DLEC1: variants seen among roughly 807,000 people sequenced by gnomAD.
DLEC1 encodes the protein deleted in lung and esophageal cancer protein 1.
Under a neutral mutation model 198.1 loss-of-function variants are expected in DLEC1, and 146 were observed. The ratio of observed to expected loss-of-function variants is 0.74; its 90% confidence interval spans 0.64 to 0.85. The LOEUF is 0.85. Among genes scored for constraint, DLEC1 ranks in the 40% least tolerant of loss-of-function variants. The pLI is 0.00. For synonymous variants in DLEC1, 897 were observed against 866.8 expected, an observed-to-expected ratio of 1.03 and a Z score of -0.61; for missense variants, 2,233 against 2,220.0, an observed-to-expected ratio of 1.01 and a Z score of -0.12.
chr3:38,117,537 G>A lies in DLEC1; in HGVS notation c.4411G>A (p.Glu1471Lys). ...CCTATTGCTGGGCAGGCTAAGTGTG[G>A]AGCTGGACTACGGCGGCAGTATGGA... ...SYVRPAQLSV[E>K]LDYGGSMEFQ... The change falls in exon 32 of 37, where the codon GAG (glutamate) becomes AAG (lysine). Residue 1471 changes from glutamate (E) to lysine (K), a missense_variant. Transcript: ENST00000308059. The A allele has an allele frequency of 6.2e-7, 1 of 1,614,196 alleles. No individual in the cohort carries two copies. The highest frequency in any genetic ancestry group is 8.5e-7 in the Non-Finnish European group (1 of 1,180,010).
intron 2 of DLEC1, chr3:38,052,279 A>C: frequency 2.1e-6 from 1 of 471,732 alleles, no homozygotes; most frequent in East Asian, 5.4e-5. Flanking sequence ...GTGGGACCTC[A>C]ACATAGAGAG....
At chr3:38,055,576 C>T (rs1043316145) in intron 2 of DLEC1, among the ~76,000 whole-genome samples, 2 of 152,040 alleles carry the variant, frequency 1.3e-5, no homozygotes, top group African/African-American at 4.8e-5. Flanking sequence ...GAATTTATCA[C>T]AACAGGAAAC....
chr3:38,067,903 C>T (rs1178853736), intron 6 of DLEC1, among the ~76,000 whole-genome samples: 3 of 152,034 alleles, frequency 2.0e-5, no homozygotes, highest in African/African-American at 4.8e-5. Flanking sequence ...CAGGTACGCA[C>T]CACCACGCCT....
chr3:38,100,523 A>T, intron 19 of DLEC1, 98 bp downstream of exon 19: 1 of 1,367,532 alleles, frequency 7.3e-7, no homozygotes, highest in Non-Finnish European at 9.5e-7. Flanking sequence ...CTGGATTTAA[A>T]ACTATTGAAT....
chr3:38,097,993 G>C (rs1046683191), intron 18 of DLEC1, 91 bp downstream of exon 18: 3 of 1,513,840 alleles, frequency 2.0e-6, no homozygotes, highest in East Asian at 2.3e-5. Flanking sequence ...GTTTAGATCA[G>C]AGCTTCGAGG....
At chr3:38,082,565 G>T (rs1339245015) in intron 6 of DLEC1, among the ~76,000 whole-genome samples, 7 of 152,176 alleles carry the variant, frequency 4.6e-5, no homozygotes, top group Non-Finnish European at 8.8e-5. Context: ...GAGATAAGAG[G>T]TTGGGGTGTG....
At chr3:38,049,436 G>A (rs927793950) in intron 2 of DLEC1, among the ~76,000 whole-genome samples, 15 of 152,350 alleles carry the variant, frequency 9.8e-5, no homozygotes, top group Non-Finnish European at 2.1e-4. Flanking sequence ...ATGTGACAAA[G>A]TGGCAAGCAC....
At position 38,088,405 on chromosome 3, in the gene DLEC1, T is replaced by G; in HGVS notation, c.1665+17T>G. 6.2e-7 allele frequency: 1 copy of G among 1,603,788 alleles called. No individual in the cohort carries two copies. Among genetic ancestry groups the G allele is most frequent in the Non-Finnish European group, 8.5e-7 (1 of 1,171,156 alleles). On this transcript the variant is annotated intron_variant, in intron 10 of 36. Transcript: ENST00000308059. Reference sequence around the variant, plus strand: ...TTAGTGGAGGTAGGTAATCAGACATTGGCATGTATTTCCTCAACTGCTTGC... The same window carrying G: ...TTAGTGGAGGTAGGTAATCAGACATGGGCATGTATTTCCTCAACTGCTTGC...
intron 19 of DLEC1, among the ~76,000 whole-genome samples, chr3:38,101,489 T>C (rs778294912): frequency 2.6e-5 from 4 of 152,166 alleles, no homozygotes; most frequent in Non-Finnish European, 5.9e-5. Flanking sequence ...ATAGATGTTG[T>C]TTTATTATTC....
rs201948826 is a variant in DLEC1 at position 38,118,010 on chromosome 3, C to T, written c.4690C>T (p.Gln1564Ter). 135 of 1,604,846 alleles carry T rather than the reference C, an allele frequency of 8.4e-5. 1 individual carries two copies. The highest frequency in any genetic ancestry group is 5.9e-4 in the African/African-American group (44 of 74,610). ...SADKQLVLQA[Q>*]ENMLVNVSFS... Reference sequence around the variant, plus strand: ...GGACAAGCAGCTGGTGCTCCAAGCACAGGAGAACATGCTGGTCAGTGGGGG... The same window carrying T: ...GGACAAGCAGCTGGTGCTCCAAGCATAGGAGAACATGCTGGTCAGTGGGGG... The change falls in exon 33 of 37, where the codon CAG becomes TAG. Residue 1564 changes from glutamine to a stop codon, truncating the protein, a stop_gained. Transcript: ENST00000308059. LOFTEE classifies it high-confidence loss of function.
At position 38,121,732 on chromosome 3, in the gene DLEC1, C is replaced by G. The variant is rs1700474703; in HGVS notation, c.4971C>G (p.Val1657=). Residue 1657 remains valine, a synonymous_variant, in exon 35 of 37, where the codon GTC becomes GTG. Transcript: ENST00000308059. ...CFVSQQRVRE[V]YLMNLSGCRS... ...TGAGCCAGCAGCGAGTCCGGGAGGTCTACCTGATGAACCTGAGCGGGTGCC... is the reference window on the plus strand; with the variant it reads ...TGAGCCAGCAGCGAGTCCGGGAGGTGTACCTGATGAACCTGAGCGGGTGCC... 3 of 1,613,946 alleles carry G rather than the reference C, an allele frequency of 1.9e-6. No individual in the cohort carries two copies. The highest frequency in any genetic ancestry group is 1.3e-5 in the African/African-American group (1 of 74,904).
At chr3:38,079,419 T>C (rs1484404692) in intron 6 of DLEC1, among the ~76,000 whole-genome samples, 1 of 151,500 alleles carries the variant, frequency 6.6e-6, no homozygotes, top group Non-Finnish European at 1.5e-5. Flanking sequence ...TAATGTGGAG[T>C]GGGTAGCCTC....
intron 2 of DLEC1, among the ~76,000 whole-genome samples, chr3:38,054,158 C>T (rs867341042): frequency 1.3e-5 from 2 of 151,964 alleles, no homozygotes; most frequent in Non-Finnish European, 2.9e-5. Context: ...CTGCCAAATC[C>T]CCCTCTCCGA....
At chr3:38,081,903 C>A (rs1698043591) in intron 6 of DLEC1, among the ~76,000 whole-genome samples, 1 of 148,396 alleles carries the variant, frequency 6.7e-6, no homozygotes, top group African/African-American at 2.5e-5. Context: ...TGACCCCCCC[C>A]CACCTCCCTC....
In DLEC1 at chr3:38,123,577, C is replaced by T. The variant is rs1700592722; in HGVS notation, c.*1165C>T. 1 of 165,510 alleles carries T rather than the reference C, an allele frequency of 6.0e-6. No individual in the cohort carries two copies. Among genetic ancestry groups the T allele is most frequent in the Non-Finnish European group, 1.3e-5 (1 of 76,512 alleles). The allele number at this position is 165,510 out of a possible 1,614,324, so 10.3% of individuals were successfully genotyped here. A position where few individuals can be genotyped will look rare whatever the true frequency, so the allele number is the denominator to read the frequency against. ...TGGAAGCCTGGCCTGGTGGCATCTA[C>T]TTGTAGTCCCAGCTATTCAGCAGGC... On this transcript the variant is annotated 3_prime_UTR_variant, in exon 37 of 37. Coordinates refer to ENST00000308059, the MANE Select transcript of DLEC1 (RefSeq NM_007335.4).
chr3:38,096,492 G>A (rs961751745), intron 14 of DLEC1, 77 bp from the exon 15 acceptor site: 22 of 1,504,724 alleles, frequency 1.5e-5, no homozygotes, highest in South Asian at 5.3e-5. Context: ...AAGGCCAAAC[G>A]TGGGACAGAG....
At chr3:38,103,016 G>A (rs911320422) in intron 19 of DLEC1, 1 of 152,088 alleles carries the variant, frequency 6.6e-6, no homozygotes, top group Non-Finnish European at 1.5e-5. Flanking sequence ...AATTTATGGG[G>A]TACATGTGCA....
intron 24 of DLEC1, 54 bp downstream of exon 24, chr3:38,111,801 C>T: frequency 3.8e-6 from 6 of 1,576,710 alleles, no homozygotes; most frequent in East Asian, 2.3e-5. Context: ...AGAGCCACAG[C>T]CTTCTGTGGA....
At chr3:38,080,717 G>T (rs965069897) in intron 6 of DLEC1, among the ~76,000 whole-genome samples, 1 of 151,950 alleles carries the variant, frequency 6.6e-6, no homozygotes, top group African/African-American at 2.4e-5. Context: ...AAGGAGGAAT[G>T]GAGGGTGGAA....
Sources: allele counts gnomAD v4.1 joint callset (sites outside exome capture counted in the v4.1 genomes callset), GRCh38; gene constraint gnomAD v4.1.1; transcripts MANE v1.5; gene names NCBI Gene and HGNC (gene_info 2026-07-23, HGNC 2026-07-21).